Variants in SOX5 observed in about 807,000 individuals in gnomAD.
SOX5 encodes transcription factor SOX-5.
SOX5 carries 9 observed loss-of-function variants against 92.0 expected under a neutral mutation model. That is an observed-to-expected ratio of 0.10 (90% confidence interval 0.06 to 0.17). SOX5 has a LOEUF of 0.17. SOX5 is among the 10% of genes least tolerant of loss of function. The pLI is 1.00. For synonymous variants in SOX5, 344 were observed against 336.3 expected (o/e 1.02, Z -0.25); for missense variants, 642 against 944.5 (o/e 0.68, Z 4.20).
At chr12:23,674,363 G>GTTTT (rs2085312785) in intron 6 of SOX5, among the ~76,000 whole-genome samples, 1 of 23,216 alleles carries the variant, frequency 4.3e-5, no homozygotes, top group African/African-American at 1.5e-4. Context: ...TTGAGACGGA[G>GTTTT]TTTCGCTGTT....
chr12:24,122,875 AACTTGAAGTAATGTGATGTTT>A (rs1414613550), intron 4 of SOX5, among the ~76,000 whole-genome samples: 6 of 152,232 alleles, frequency 3.9e-5, no homozygotes, highest in African/African-American at 1.4e-4. Flanking sequence ...ATGTGATGTT[AACTTGAAGTAATGTGATGTTT>A]ACTTAAGGAG....
rs112252107 is a variant in SOX5 at position 24,466,564 on chromosome 12, G to A, written c.-251+95765C>T. Among the ~76,000 whole-genome samples, 489 of 152,274 alleles carry A rather than the reference G, an allele frequency of 3.2e-3. 2 individuals carry two copies. The highest frequency in any genetic ancestry group is 0.01 in the African/African-American group (434 of 41,562). ...TCTATTTAGGGGTCCAGACAGCCTC[G>A]AGGTAGCCCACTAGTTGGCATGGAG... is the stretch of plus-strand genomic sequence containing the variant. On this transcript the variant is annotated intron_variant, in intron 1 of 4. Coordinates refer to the SOX5 transcript ENST00000446891.
intron 4 of SOX5, among the ~76,000 whole-genome samples, chr12:23,746,702 A>G (rs141202167): frequency 6.6e-6 from 1 of 152,254 alleles, no homozygotes; most frequent in East Asian, 1.9e-4. Flanking sequence ...AGACAAAGTC[A>G]TGAGGGAAGG....
chr12:23,873,076 A>T (rs746533019), intron 2 of SOX5, among the ~76,000 whole-genome samples: 3 of 152,252 alleles, frequency 2.0e-5, no homozygotes, highest in Non-Finnish European at 4.4e-5. Context: ...CCAAGAAATC[A>T]TTCTTAAAAG....
rs373571301 is a variant in SOX5 at position 23,765,385 on chromosome 12, C to CAAAAAAAAAAAAA, written c.482-9674_482-9662dup. Among the ~76,000 whole-genome samples the CAAAAAAAAAAAAA allele has an allele frequency of 1.3e-4, 4 of 31,430 alleles. 1 individual carries two copies. The highest frequency in any genetic ancestry group is 4.4e-4 in the African/African-American group (3 of 6,804). 20.6% of individuals were successfully genotyped at this position (31,430 alleles called of 152,430 possible). A position where few individuals can be genotyped will look rare whatever the true frequency, so the allele number is the denominator to read the frequency against. On this transcript the variant is annotated intron_variant, in intron 3 of 14. Transcript: ENST00000451604. ...CTGTGAAGTCAAAAGTGTAAAACAGCAAAAAAAAAAAAAAAAAAAAAAAAA... is the reference window on the plus strand; with the variant it reads ...CTGTGAAGTCAAAAGTGTAAAACAGCAAAAAAAAAAAAAAAAAAAAAAAAAAAAAAAAAAAAAA...
intron 2 of SOX5, among the ~76,000 whole-genome samples, chr12:24,319,707 A>G (rs1201827453): frequency 6.6e-6 from 1 of 152,210 alleles, no homozygotes; most frequent in Non-Finnish European, 1.5e-5. Flanking sequence ...TTGCAAAACA[A>G]AATAGAGCTC....
At chr12:23,669,830 G>A (rs1222327743) in intron 6 of SOX5, among the ~76,000 whole-genome samples, 3 of 152,144 alleles carry the variant, frequency 2.0e-5, no homozygotes, top group East Asian at 1.9e-4. Context: ...TGGATATGAC[G>A]TGGCTGAGGT....
At chr12:24,440,594 T>TTG (rs56082162) in intron 1 of SOX5, among the ~76,000 whole-genome samples, 10,175 of 139,508 alleles carry the variant, frequency 0.073, 358 homozygotes, top group East Asian at 0.11. Flanking sequence ...ACATGATCCT[T>TTG]TGTGTGTGTG....
At chr12:24,181,703 G>C (rs1955516429) in intron 4 of SOX5, among the ~76,000 whole-genome samples, 1 of 152,058 alleles carries the variant, frequency 6.6e-6, no homozygotes, top group Non-Finnish European at 1.5e-5. Context: ...TGTTATTGTT[G>C]TTTTTCTATT....
At chr12:23,927,424 C>T (rs1454688762) in intron 1 of SOX5, among the ~76,000 whole-genome samples, 1 of 152,058 alleles carries the variant, frequency 6.6e-6, no homozygotes, top group African/African-American at 2.4e-5. Context: ...TTATCTCCCT[C>T]TCTTTCATTC....
intron 1 of SOX5, among the ~76,000 whole-genome samples, chr12:24,540,468 C>T (rs943554581): frequency 2.0e-5 from 3 of 152,086 alleles, no homozygotes; most frequent in African/African-American, 7.2e-5. Context: ...TCTGTGCACA[C>T]ATATGCAAGC....
chr12:24,106,749 G>T (rs1302377767), intron 4 of SOX5, among the ~76,000 whole-genome samples: 2 of 150,296 alleles, frequency 1.3e-5, no homozygotes. Context: ...CCGAGATCGT[G>T]CCACTGCACT....
intron 3 of SOX5, among the ~76,000 whole-genome samples, chr12:23,774,291 T>C (rs1344353984): frequency 6.6e-6 from 1 of 152,148 alleles, no homozygotes; most frequent in Non-Finnish European, 1.5e-5. Context: ...GACCTATTAC[T>C]AGAAAATGAC....
At chr12:23,577,005 T>G (rs1163651069) in intron 9 of SOX5, among the ~76,000 whole-genome samples, 1 of 150,782 alleles carries the variant, frequency 6.6e-6, no homozygotes, top group Non-Finnish European at 1.5e-5. Flanking sequence ...TCAAATGGGG[T>G]AGTCAGGTGA....
At chr12:24,024,345 A>G (rs1217586537) in intron 4 of SOX5, among the ~76,000 whole-genome samples, 2 of 152,048 alleles carry the variant, frequency 1.3e-5, no homozygotes, top group Non-Finnish European at 2.9e-5. Flanking sequence ...TCAAAACATC[A>G]AGTGAATTTT....
At chr12:23,970,841 A>ATAT in intron 4 of SOX5, among the ~76,000 whole-genome samples, 1 of 21,876 alleles carries the variant, frequency 4.6e-5, no homozygotes, top group African/African-American at 1.2e-4. Context: ...TATATATATA[A>ATAT]TTTTTTTTTT....
chr12:23,659,731 G>A (rs575399345), intron 7 of SOX5, among the ~76,000 whole-genome samples: 1 of 152,246 alleles, frequency 6.6e-6, no homozygotes, highest in South Asian at 2.1e-4. Context: ...CCAGCACTTT[G>A]GGAGGTGGGT....
chr12:24,025,639 A>G (rs1346024251), intron 4 of SOX5, among the ~76,000 whole-genome samples: 1 of 152,064 alleles, frequency 6.6e-6, no homozygotes, highest in African/African-American at 2.4e-5. Context: ...AGGGAAGAGT[A>G]AAACATTTAC....
intron 3 of SOX5, among the ~76,000 whole-genome samples, chr12:23,779,992 T>TGTGTGTGTGTGTG (rs1371944516): frequency 6.7e-6 from 1 of 149,850 alleles, no homozygotes; most frequent in Non-Finnish European, 1.5e-5. Context: ...TGTGTGTGTA[T>TGTGTGTGTGTGTG]TTGAGTCTAA....
Sources: gnomAD v4.1 joint callset for allele counts (sites outside exome capture counted in the v4.1 genomes callset) on GRCh38, gnomAD v4.1.1 for gene constraint, MANE v1.5 for transcripts, NCBI Gene and HGNC (gene_info 2026-07-23, HGNC 2026-07-21) for gene names.